The following SORCS3 variants were observed in gnomAD, a reference collection of about 807,000 sequenced individuals.
The protein encoded by SORCS3 is sortilin related VPS10 domain containing receptor 3, also known as VPS10 domain-containing receptor SorCS3.
SORCS3 carries 57 observed loss-of-function variants against 146.3 expected under a neutral mutation model. The observed-to-expected ratio is 0.39, with a 90% CI of 0.31 to 0.49. The LOEUF (loss-of-function observed/expected upper bound fraction) is 0.49. Among genes scored for constraint, SORCS3 ranks in the 20% least tolerant of loss-of-function variants. SORCS3 has a pLI of 0.92. For synonymous variants in SORCS3, 653 were observed against 618.5 expected, an observed-to-expected ratio of 1.06 and a Z score of -0.83; for missense variants, 1,341 against 1,575.5, an observed-to-expected ratio of 0.85 and a Z score of 2.52.
intron 1 of SORCS3, among the ~76,000 whole-genome samples, chr10:104,699,407 A>C (rs1025670090): frequency 6.6e-6 from 1 of 152,158 alleles, no homozygotes; most frequent in African/African-American, 2.4e-5. Flanking sequence ...GCCAAACAGC[A>C]AACAAGTATG....
At chr10:104,974,439 C>T (rs567770707) in intron 3 of SORCS3, among the ~76,000 whole-genome samples, 9 of 152,230 alleles carry the variant, frequency 5.9e-5, no homozygotes, top group African/African-American at 2.2e-4. Context: ...GATCCCTTTA[C>T]CATTATGTAA....
intron 6 of SORCS3, among the ~76,000 whole-genome samples, chr10:105,101,366 C>T (rs1013860231): frequency 1.3e-5 from 2 of 152,148 alleles, no homozygotes; most frequent in Non-Finnish European, 2.9e-5. Flanking sequence ...AATTTAGTTT[C>T]CCCATGCCCC....
chr10:104,943,120 A>C (rs1267178725), intron 3 of SORCS3, among the ~76,000 whole-genome samples: 1 of 152,192 alleles, frequency 6.6e-6, no homozygotes, highest in Non-Finnish European at 1.5e-5. Context: ...AATGCAACAG[A>C]AAATAAATAT....
At chr10:105,060,360 G>A (rs1047934677) in intron 5 of SORCS3, among the ~76,000 whole-genome samples, 3 of 152,160 alleles carry the variant, frequency 2.0e-5, no homozygotes, top group African/African-American at 4.8e-5. Context: ...TGGCCGATAA[G>A]CCTAGAAAAG....
At chr10:105,181,037 G>C (rs1028947911) in intron 14 of SORCS3, among the ~76,000 whole-genome samples, 2 of 152,124 alleles carry the variant, frequency 1.3e-5, no homozygotes, top group East Asian at 3.9e-4. Flanking sequence ...ATGTGCACAC[G>C]TGCACAGACA....
intron 2 of SORCS3, among the ~76,000 whole-genome samples, chr10:104,854,523 T>C (rs2018308564): frequency 6.6e-6 from 1 of 152,218 alleles, no homozygotes. Context: ...CTCTAGGATA[T>C]TGACATTGAT....
chr10:105,036,575 TG>T (rs2055307945), intron 4 of SORCS3, among the ~76,000 whole-genome samples: 2 of 152,166 alleles, frequency 1.3e-5, no homozygotes, highest in African/African-American at 4.8e-5. Context: ...TGGAAGCTCT[TG>T]TCTGGGTACC....
rs569246500 is a variant in SORCS3, at chr10:104,881,908, G to A, written c.696-33925G>A. Among the ~76,000 whole-genome samples, 10 of 152,262 alleles carry A rather than the reference G, an allele frequency of 6.6e-5. No individual in the cohort carries two copies. In the East Asian group the frequency reaches 1.7e-3, roughly 26 times the overall value. On this transcript the variant is annotated intron_variant, in intron 2 of 26. Coordinates refer to ENST00000369701, the MANE Select transcript of SORCS3 (RefSeq NM_014978.3). The stretch of plus-strand genomic sequence containing the variant: ...AGACAATACTTAAGGAATTCACACA[G>A]TTTTCATGTGGATTGAAAGGGATTT...
At chr10:104,876,019 C>T (rs2018567889) in intron 2 of SORCS3, among the ~76,000 whole-genome samples, 1 of 151,964 alleles carries the variant, frequency 6.6e-6, no homozygotes, top group Admixed American at 6.6e-5. Flanking sequence ...GTTTTTTTCC[C>T]CTAGTTACTA....
intron 1 of SORCS3, among the ~76,000 whole-genome samples, chr10:104,797,923 T>C (rs1365469140): frequency 6.6e-6 from 1 of 152,142 alleles, no homozygotes. Flanking sequence ...GGGTCCCAGC[T>C]CAGAGCTACT....
chr10:105,243,131 C>T (rs989972914), intron 20 of SORCS3, among the ~76,000 whole-genome samples: 3 of 145,990 alleles, frequency 2.1e-5, no homozygotes, highest in Admixed American at 1.4e-4. Flanking sequence ...TTCTTTTTAA[C>T]GAATGTAGCA....
At chr10:104,888,547 C>G (rs111374314) in intron 2 of SORCS3, among the ~76,000 whole-genome samples, 6,465 of 129,364 alleles carry the variant, frequency 0.05, 176 homozygotes, top group East Asian at 0.14. Flanking sequence ...CTCTCCAGTA[C>G]TCACCTTTTT....
chr10:104,936,316 A>G (rs1271259036), intron 3 of SORCS3, among the ~76,000 whole-genome samples: 1 of 152,172 alleles, frequency 6.6e-6, no homozygotes, highest in East Asian at 1.9e-4. Context: ...GATGACAAGG[A>G]CCTGGACTCC....
At chr10:104,845,443 A>G (rs2018193038) in intron 2 of SORCS3, among the ~76,000 whole-genome samples, 1 of 152,246 alleles carries the variant, frequency 6.6e-6, no homozygotes, top group East Asian at 1.9e-4. Flanking sequence ...ATTAAGTGAA[A>G]CAAATATAAA....
intron 3 of SORCS3, among the ~76,000 whole-genome samples, chr10:104,960,718 A>G (rs909276341): frequency 1.3e-5 from 2 of 152,176 alleles, no homozygotes; most frequent in Non-Finnish European, 2.9e-5. Context: ...TTAAATTTCA[A>G]CATGAGTTTT....
intron 2 of SORCS3, among the ~76,000 whole-genome samples, chr10:104,911,874 G>T (rs911666158): frequency 6.6e-6 from 1 of 152,160 alleles, no homozygotes; most frequent in East Asian, 1.9e-4. Context: ...TGTTGCTAAT[G>T]AAAGTCCTCA....
chr10:105,084,139 T>A (rs1780391348), intron 5 of SORCS3, among the ~76,000 whole-genome samples: 1 of 152,198 alleles, frequency 6.6e-6, no homozygotes, highest in African/African-American at 2.4e-5. Context: ...AATCAACATT[T>A]ACATTTTAAA....
chr10:104,663,328 C>T (rs1389592109), intron 1 of SORCS3, among the ~76,000 whole-genome samples: 1 of 152,178 alleles, frequency 6.6e-6, no homozygotes, highest in African/African-American at 2.4e-5. Context: ...AGGGAAACCC[C>T]ATAGGATGGT....
chr10:104,975,420 G>C (rs867863885), intron 3 of SORCS3, among the ~76,000 whole-genome samples: 58 of 152,032 alleles, frequency 3.8e-4, no homozygotes, highest in South Asian at 2.1e-4. Flanking sequence ...AGGATACAAA[G>C]AAATGGAAGA....
Sources: allele counts gnomAD v4.1 joint callset (sites outside exome capture counted in the v4.1 genomes callset), GRCh38; gene constraint gnomAD v4.1.1; transcripts MANE v1.5; gene names NCBI Gene and HGNC (gene_info 2026-07-23, HGNC 2026-07-21).